The following IL36B variants were observed in gnomAD, a reference collection of about 807,000 sequenced individuals.
IL36B encodes the protein interleukin-36 beta.
IL36B carries 23 observed loss-of-function variants against 19.3 expected under a neutral mutation model. The observed-to-expected ratio is 1.19, with a 90% CI of 0.86 to 1.69. The LOEUF (loss-of-function observed/expected upper bound fraction) is 1.69. IL36B is among the 40% of genes most tolerant of loss of function. The pLI is 0.00. For synonymous variants in IL36B, 59 were observed against 59.7 expected (o/e 0.99, Z 0.05); for missense variants, 217 against 200.5 (o/e 1.08, Z -0.50).
intron 2 of IL36B, 113 bp from the exon 3 acceptor site, chr2:113,031,268 A>G: frequency 2.7e-6 from 2 of 730,360 alleles, no homozygotes; most frequent in Middle Eastern, 4.6e-4. Context: ...CATTGCTCTG[A>G]GAAGTAGTGG....
At chr2:113,039,957 C>T (rs1685225998) in intron 1 of IL36B, among the ~76,000 whole-genome samples, 1 of 152,214 alleles carries the variant, frequency 6.6e-6, no homozygotes, top group African/African-American at 2.4e-5. Flanking sequence ...AAATCATCTG[C>T]ATGGGTCAAT....
intron 5 of IL36B, among the ~76,000 whole-genome samples, chr2:113,024,510 C>T (rs570689450): frequency 1.3e-5 from 2 of 152,132 alleles, no homozygotes; most frequent in South Asian, 2.1e-4. Context: ...TCTGTCATCC[C>T]GTGCCTTCTC....
intron 5 of IL36B, among the ~76,000 whole-genome samples, chr2:113,023,552 A>G (rs144658200): frequency 6.6e-6 from 1 of 152,340 alleles, no homozygotes; most frequent in Non-Finnish European, 1.5e-5. Flanking sequence ...GATGGTTGCT[A>G]TTAGATATTG....
rs933899459 is a variant in IL36B, at chr2:113,022,433, A to G, written c.*241T>C. The G allele has an allele frequency of 5.8e-6, 2 of 344,732 alleles. No individual in the cohort carries two copies. Among genetic ancestry groups the G allele is most frequent in the Admixed American group, 9.2e-5 (2 of 21,834 alleles). 21.4% of individuals were successfully genotyped at this position (344,732 alleles called of 1,614,324 possible). On this transcript the variant is annotated 3_prime_UTR_variant, in exon 6 of 6. Transcript: ENST00000259213. ...CAATTTTTTAAAAAACACTCTAAGG[A>G]CTGGACAAAACACATTTACAGGTTA...
intron 4 of IL36B, chr2:113,028,011 G>A (rs1684996029): frequency 6.2e-7 from 1 of 1,614,170 alleles, no homozygotes. Context: ...ACCAGCCAGG[G>A]TAAGAGACTG....
In IL36B at chr2:113,042,917, A is replaced by G. The variant is rs558011778; in HGVS notation, c.-58+9900T>C. On this transcript the variant is annotated intron_variant, in intron 1 of 5. Coordinates refer to ENST00000259213, the MANE Select transcript of IL36B (RefSeq NM_014438.5). ...TATTATGTGAGAGATCTGGTTCTCT[A>G]ATATTCTCACCAAGACTTGGTATAG... Among the ~76,000 whole-genome samples, 54 of 152,178 alleles carry G rather than the reference A, an allele frequency of 3.5e-4. 1 individual carries two copies. Among genetic ancestry groups the G allele is most frequent in the African/African-American group, 1.2e-3 (50 of 41,544 alleles).
intron 1 of IL36B, among the ~76,000 whole-genome samples, chr2:113,039,282 T>C (rs1685206784): frequency 6.6e-6 from 1 of 152,048 alleles, no homozygotes; most frequent in Non-Finnish European, 1.5e-5. Flanking sequence ...CCCCAGGGTG[T>C]CCCAGTCACA....
intron 4 of IL36B, among the ~76,000 whole-genome samples, chr2:113,027,184 C>T (rs1157386237): frequency 1.3e-5 from 2 of 152,222 alleles, no homozygotes; most frequent in East Asian, 3.9e-4. Context: ...TCATAACAAT[C>T]TATCCTCATT....
intron 4 of IL36B, chr2:113,026,285 C>G (rs1377943586): frequency 6.2e-7 from 1 of 1,608,076 alleles, no homozygotes; most frequent in Non-Finnish European, 8.5e-7. Context: ...CCAGGTTACA[C>G]TGTCTCAAAG....
chr2:113,047,915 G>A (rs1156386908), intron 1 of IL36B, among the ~76,000 whole-genome samples: 1 of 151,998 alleles, frequency 6.6e-6, no homozygotes, highest in Non-Finnish European at 1.5e-5. Flanking sequence ...AATAAAAAAT[G>A]TTAACTCAGG....
intron 1 of IL36B, among the ~76,000 whole-genome samples, chr2:113,049,008 G>A: frequency 6.6e-6 from 1 of 152,136 alleles, no homozygotes; most frequent in South Asian, 2.1e-4. Flanking sequence ...TGATGAAGAG[G>A]AAGCATCACA....
chr2:113,028,187 T>G, intron 4 of IL36B, 72 bp from the exon 5 acceptor site: 1 of 1,231,840 alleles, frequency 8.1e-7, no homozygotes, highest in East Asian at 2.3e-5. Flanking sequence ...GCTCTGAGTG[T>G]GTAACAGGAG....
intron 5 of IL36B, chr2:113,022,827 G>C: frequency 7.9e-7 from 1 of 1,262,308 alleles, no homozygotes; most frequent in South Asian, 1.2e-5. Context: ...GTGGACATTT[G>C]CTAAACCACC....
chr2:113,048,918 C>T (rs1280380305), intron 1 of IL36B, among the ~76,000 whole-genome samples: 1 of 151,956 alleles, frequency 6.6e-6, no homozygotes, highest in Non-Finnish European at 1.5e-5. Flanking sequence ...CTGAGTAATC[C>T]CATTTCTATG....
intron 5 of IL36B, among the ~76,000 whole-genome samples, chr2:113,023,417 G>T (rs576878034): frequency 2.6e-5 from 4 of 152,264 alleles, no homozygotes; most frequent in African/African-American, 9.6e-5. Flanking sequence ...CTTTTATTAT[G>T]GCCACACTGC....
At chr2:113,040,068 A>G (rs1900288) in intron 1 of IL36B, among the ~76,000 whole-genome samples, 114,681 of 152,198 alleles carry the variant, frequency 0.75, 43,672 homozygotes, top group East Asian at 0.94. Context: ...ATGTGACTCC[A>G]CATCAAGAAT....
chr2:113,040,385 C>T (rs559359938), intron 1 of IL36B, among the ~76,000 whole-genome samples: 43 of 152,088 alleles, frequency 2.8e-4, no homozygotes, highest in Non-Finnish European at 5.4e-4. Context: ...TGTTCAACAT[C>T]GTATTTGAAG....
intron 1 of IL36B, among the ~76,000 whole-genome samples, chr2:113,039,115 C>T (rs1481657764): frequency 6.6e-6 from 1 of 152,172 alleles, no homozygotes; most frequent in Non-Finnish European, 1.5e-5. Context: ...GGGATATCAG[C>T]ATAGTCCAGG....
Position 113,023,729 on chromosome 2 carries a change from T to C in IL36B, c.392-952A>G, listed in dbSNP as rs192485651. Among the ~76,000 whole-genome samples the C allele has an allele frequency of 3.0e-3, 450 of 152,324 alleles. 3 individuals are homozygous for C. The highest frequency in any genetic ancestry group is 0.017 in the Middle Eastern group (5 of 294). On this transcript the variant is annotated intron_variant, in intron 5 of 5. Coordinates refer to ENST00000259213, the MANE Select transcript of IL36B (RefSeq NM_014438.5). ...CCCAACCATACGGCCTAGAGTTGAC[T>C]TTGAAGTATTCTTTTTATAATCAGA...
Sources: allele counts gnomAD v4.1 joint callset (sites outside exome capture counted in the v4.1 genomes callset), GRCh38; gene constraint gnomAD v4.1.1; transcripts MANE v1.5; gene names NCBI Gene and HGNC (gene_info 2026-07-23, HGNC 2026-07-21).